The following TMPRSS15 variants were observed in gnomAD, a reference collection of about 807,000 sequenced individuals.
The protein encoded by TMPRSS15 is transmembrane serine protease 15, also known as enteropeptidase.
A neutral mutation model predicts 125.3 loss-of-function variants in TMPRSS15; 128 were observed. The ratio of observed to expected loss-of-function variants is 1.02; its 90% CI spans 0.89 to 1.18. TMPRSS15 has a LOEUF of 1.18. TMPRSS15 is among the 50% of genes most tolerant of loss of function. TMPRSS15 has a pLI of 0.00. For missense variants in TMPRSS15, 1,283 were observed against 1,212.7 expected (o/e 1.06, Z -0.86); for synonymous variants, 446 against 423.2 (o/e 1.05, Z -0.66).
Position 18,390,297 on chromosome 21 carries a change from A to G in TMPRSS15, c.345-6519T>C, listed in dbSNP as rs2123088662. Among the ~76,000 whole-genome samples, 3 of 152,330 alleles carry G rather than the reference A, an allele frequency of 2.0e-5. No homozygotes were observed. In the South Asian group the frequency reaches 6.2e-4, roughly 32 times the overall value. On this transcript the variant is annotated intron_variant, in intron 3 of 24. Coordinates refer to ENST00000284885, the MANE Select transcript of TMPRSS15 (RefSeq NM_002772.3). ...TGTAACAAAAAGTTAAAGCCATGGT[A>G]ACTGTATAATTATTTTTATAGCCAT...
In TMPRSS15 at chr21:18,358,241, C is replaced by T. The variant is rs546368460; in HGVS notation, c.880+1516G>A. The stretch of plus-strand genomic sequence containing the variant: ...TTATGCCTACCACTTATTCAGCCCT[C>T]AACCTCTACCAATTTAGATTTTATC... On this transcript the variant is annotated intron_variant, in intron 8 of 24. Coordinates refer to ENST00000284885, the MANE Select transcript of TMPRSS15 (RefSeq NM_002772.3). 5.9e-3 allele frequency among the ~76,000 whole-genome samples: 895 copies of T among 151,878 alleles called. 13 individuals are homozygous for T. The highest frequency in any genetic ancestry group is 0.02 in the African/African-American group (838 of 41,498).
intron 1 of TMPRSS15, among the ~76,000 whole-genome samples, chr21:18,447,061 A>G (rs557692810): frequency 1.1e-4 from 17 of 152,220 alleles, no homozygotes; most frequent in Admixed American, 5.9e-4. Context: ...TACAGCATAT[A>G]TAAGCAACTC....
At chr21:18,382,665 G>A (rs896380392) in intron 4 of TMPRSS15, among the ~76,000 whole-genome samples, 4 of 151,958 alleles carry the variant, frequency 2.6e-5, no homozygotes, top group African/African-American at 4.8e-5. Context: ...TATTCCCCTC[G>A]GTGTAGATAT....
chr21:18,278,897 T>C, intron 23 of TMPRSS15, 67 bp downstream of exon 23: 1 of 850,570 alleles, frequency 1.2e-6, no homozygotes. Context: ...CACAGGATAT[T>C]ATGACAGTCT....
At chr21:18,424,329 G>A (rs1276627337) in intron 1 of TMPRSS15, among the ~76,000 whole-genome samples, 1 of 152,114 alleles carries the variant, frequency 6.6e-6, no homozygotes, top group Admixed American at 6.5e-5. Flanking sequence ...TGCCCAGACT[G>A]CTCCCAATTG....
At chr21:18,395,942 A>G (rs1440303175) in intron 3 of TMPRSS15, among the ~76,000 whole-genome samples, 5 of 152,182 alleles carry the variant, frequency 3.3e-5, no homozygotes, top group Admixed American at 2.0e-4. Flanking sequence ...TTGAGCTTGT[A>G]CATTGTGCTT....
intron 1 of TMPRSS15, among the ~76,000 whole-genome samples, chr21:18,422,098 C>T (rs920696001): frequency 1.3e-5 from 2 of 151,816 alleles, no homozygotes; most frequent in Non-Finnish European, 2.9e-5. Flanking sequence ...ATTCTTCTGC[C>T]TCAGCCTCCT....
At position 18,313,011 on chromosome 21, in the gene TMPRSS15, T is replaced by C. The variant is rs144744682; in HGVS notation, c.2099A>G (p.His700Arg). 8 of 1,613,994 alleles carry C rather than the reference T, an allele frequency of 5.0e-6. No individual in the cohort carries two copies. In the African/African-American group the frequency reaches 1.1e-4, roughly 22 times the overall value. Reference protein sequence around the residue: ...LVRFRIQSIWHTACAENWTTQ... With the variant: ...LVRFRIQSIWRTACAENWTTQ... ...GGTCCAGTTCTCAGCACAAGCTGTA[T>C]GCCATATGCTCTGGATTCTGAACCG... Residue 700 changes from histidine (H) to arginine (R), a missense_variant, in exon 18 of 25, where the codon CAT becomes CGT. His to Arg is a conservative substitution (Grantham distance 29). Coordinates refer to ENST00000284885, the MANE Select transcript of TMPRSS15 (RefSeq NM_002772.3).
At chr21:18,455,872 G>A (rs1044644538) in intron 1 of TMPRSS15, among the ~76,000 whole-genome samples, 3 of 152,126 alleles carry the variant, frequency 2.0e-5, no homozygotes, top group African/African-American at 2.4e-5. Context: ...GGAAATAGGA[G>A]TGAAAATGTC....
chr21:18,384,641 G>C (rs2075925899), intron 3 of TMPRSS15, among the ~76,000 whole-genome samples: 1 of 152,134 alleles, frequency 6.6e-6, no homozygotes, highest in Non-Finnish European at 1.5e-5. Context: ...TTTAGGGTAT[G>C]ACCACTTGGG....
chr21:18,473,776 C>T (rs1015165998), intron 1 of TMPRSS15, among the ~76,000 whole-genome samples: 10 of 151,968 alleles, frequency 6.6e-5, no homozygotes, highest in African/African-American at 2.2e-4. Flanking sequence ...ATGTTTTTGC[C>T]TGCATATTGT....
intron 19 of TMPRSS15, among the ~76,000 whole-genome samples, chr21:18,295,918 G>C (rs567774941): frequency 2.9e-4 from 44 of 152,184 alleles, no homozygotes; most frequent in African/African-American, 1.1e-3. Flanking sequence ...TTTGGGAGGC[G>C]GAGGCGGGCG....
chr21:18,365,641 TTTTTC>T (rs2075724143), intron 6 of TMPRSS15, among the ~76,000 whole-genome samples: 1 of 109,338 alleles, frequency 9.1e-6, no homozygotes, highest in Non-Finnish European at 2.0e-5. Flanking sequence ...TTTCTCTCTC[TTTTTC>T]CTCCCTTCCT....
At chr21:18,456,914 A>G (rs1978452601) in intron 1 of TMPRSS15, among the ~76,000 whole-genome samples, 2 of 152,108 alleles carry the variant, frequency 1.3e-5, no homozygotes, top group Non-Finnish European at 2.9e-5. Flanking sequence ...TAAGATGTAG[A>G]AAGAGCCTGA....
rs150468934 is a variant in TMPRSS15 at position 18,428,155 on chromosome 21, T to C, written c.11-29826A>G. On this transcript the variant is annotated intron_variant, in intron 1 of 7. Coordinates refer to the TMPRSS15 transcript ENST00000422787. The stretch of plus-strand genomic sequence containing the variant: ...AAGATATGAAGCCTTTCTTTTAGAA[T>C]TGTTTAAAGGCAAGACAACAAATAA... 3.0e-3 allele frequency among the ~76,000 whole-genome samples: 456 copies of C among 152,330 alleles called. 2 individuals carry two copies. The highest frequency in any genetic ancestry group is 0.01 in the African/African-American group (418 of 41,568).
In TMPRSS15 at chr21:18,403,740, A is replaced by G. The variant is rs959256902; in HGVS notation, c.-118T>C. On this transcript the variant is annotated 5_prime_UTR_variant, in exon 1 of 25. An upstream open reading frame in the 5' UTR loses its in-frame stop. Coordinates refer to ENST00000284885, the MANE Select transcript of TMPRSS15 (RefSeq NM_002772.3). ...TGTGTAAAGCAACAACCACCTGTCT[A>G]CATGCATACCAGTCAGTGTAAGTGA... The G allele has an allele frequency of 9.5e-6, 12 of 1,257,606 alleles. No homozygotes were observed. The highest frequency in any genetic ancestry group is 1.4e-5 in the Non-Finnish European group (12 of 881,968). The allele number at this position is 1,257,606 out of a possible 1,614,324, so 77.9% of individuals were successfully genotyped here.
chr21:18,277,165 A>G (rs2074632458), intron 23 of TMPRSS15, among the ~76,000 whole-genome samples: 1 of 152,152 alleles, frequency 6.6e-6, no homozygotes. Context: ...TTTAAACATG[A>G]TCTAGCTGTT....
intron 1 of TMPRSS15, among the ~76,000 whole-genome samples, chr21:18,433,769 C>T (rs1477019328): frequency 6.6e-6 from 1 of 151,358 alleles, no homozygotes. Flanking sequence ...TACCTTCTAG[C>T]TGTTATTATT....
chr21:18,392,245 CAT>C (rs1188549100), intron 3 of TMPRSS15, among the ~76,000 whole-genome samples: 2 of 152,306 alleles, frequency 1.3e-5, no homozygotes, highest in South Asian at 2.1e-4. Context: ...CTTTCTGCCA[CAT>C]AGTTAGCCTG....
Sources: gnomAD v4.1 joint callset for allele counts (sites outside exome capture counted in the v4.1 genomes callset) on GRCh38, gnomAD v4.1.1 for gene constraint, MANE v1.5 for transcripts, NCBI Gene and HGNC (gene_info 2026-07-23, HGNC 2026-07-21) for gene names.